TPTE2: variants seen among roughly 807,000 people sequenced by gnomAD.
The protein encoded by TPTE2 is transmembrane phosphoinositide 3-phosphatase and tensin homolog 2.
TPTE2 carries 53 observed loss-of-function variants against 78.6 expected under a neutral mutation model. The ratio of observed to expected loss-of-function variants is 0.67; its 90% CI spans 0.54 to 0.85. TPTE2 has a LOEUF of 0.85. Ranked by LOEUF, TPTE2 falls within the 40% of genes least tolerant of loss-of-function variation. The pLI is 0.00. For missense variants in TPTE2, 461 were observed against 623.0 expected (o/e 0.74, Z 2.77); for synonymous variants, 175 against 206.2 (o/e 0.85, Z 1.30).
intron 4 of TPTE2, among the ~76,000 whole-genome samples, chr13:19,477,480 C>T (rs1057016557): frequency 2.6e-5 from 4 of 152,174 alleles, no homozygotes; most frequent in African/African-American, 4.8e-5. Flanking sequence ...CCACCACCTC[C>T]GCCCAGGCTT....
At chr13:19,471,998 C>G (rs1879645166) in intron 6 of TPTE2, among the ~76,000 whole-genome samples, 2 of 152,176 alleles carry the variant, frequency 1.3e-5, no homozygotes, top group African/African-American at 4.8e-5. Flanking sequence ...ATGCCACTCT[C>G]TCCTGGCCTG....
chr13:19,468,188 C>A (rs1424572034), intron 6 of TPTE2, among the ~76,000 whole-genome samples: 1 of 151,112 alleles, frequency 6.6e-6, no homozygotes, highest in Non-Finnish European at 1.5e-5. Flanking sequence ...TTACAGGCGA[C>A]CGACACCACA....
intron 4 of TPTE2, among the ~76,000 whole-genome samples, chr13:19,479,674 G>A (rs1224848659): frequency 1.3e-5 from 2 of 152,152 alleles, no homozygotes; most frequent in East Asian, 3.9e-4. Context: ...CAAAAATAAA[G>A]AGATAGAGGC....
intron 10 of TPTE2, among the ~76,000 whole-genome samples, chr13:19,455,920 TATAGCAAACATC>T (rs1251116801): frequency 1.3e-5 from 2 of 152,180 alleles, no homozygotes; most frequent in Non-Finnish European, 2.9e-5. Context: ...TACAAAAGCC[TATAGCAAACATC>T]ATTTCAAATA....
At chr13:19,469,111 G>C (rs2137576671) in intron 6 of TPTE2, among the ~76,000 whole-genome samples, 1 of 152,252 alleles carries the variant, frequency 6.6e-6, no homozygotes, top group Admixed American at 6.5e-5. Context: ...CAATGTCCTG[G>C]AGATTCTTCC....
At chr13:19,451,530 T>C (rs1040331824) in intron 10 of TPTE2, among the ~76,000 whole-genome samples, 4 of 152,216 alleles carry the variant, frequency 2.6e-5, no homozygotes, top group African/African-American at 9.6e-5. Context: ...AAATCATTAA[T>C]TCACAGTTAA....
In TPTE2 at chr13:19,498,452, G is replaced by A. The variant is rs564021088; in HGVS notation, c.11+4772C>T. Among the ~76,000 whole-genome samples, 1,311 of 152,152 alleles carry A rather than the reference G, an allele frequency of 8.6e-3. 13 individuals carry two copies. Among genetic ancestry groups the A allele is most frequent in the African/African-American group, 0.03 (1,251 of 41,484 alleles). On this transcript the variant is annotated intron_variant, in intron 1 of 19. Transcript: ENST00000400230. ...CCATCAGACTAACAGCAGATCTCTC[G>A]GCAGAAACCCTACAAGCCAGAAGAG...
chr13:19,507,214 T>C (rs530425126), upstream of TPTE2, among the ~76,000 whole-genome samples: 2 of 151,312 alleles, frequency 1.3e-5, no homozygotes, highest in South Asian at 4.2e-4. Flanking sequence ...TTAAACTAAA[T>C]TGTACATAAT....
intron 1 of TPTE2, among the ~76,000 whole-genome samples, chr13:19,530,446 A>AT (rs1347712650): frequency 2.0e-5 from 3 of 152,166 alleles, no homozygotes; most frequent in Non-Finnish European, 4.4e-5. Flanking sequence ...CTAACTGTGC[A>AT]TTTTTTGGGG....
the TPTE2 span, among the ~76,000 whole-genome samples, chr13:19,556,940 T>G: frequency 6.6e-6 from 1 of 152,352 alleles, no homozygotes; most frequent in South Asian, 2.1e-4. Context: ...AGGACACTCT[T>G]ATTTCTGTTT....
intron 1 of TPTE2, among the ~76,000 whole-genome samples, chr13:19,502,458 C>G (rs1343995381): frequency 1.3e-5 from 2 of 151,014 alleles, no homozygotes; most frequent in Admixed American, 6.6e-5. Flanking sequence ...CCATGGAATA[C>G]TATGCAGCCA....
intron 1 of TPTE2, among the ~76,000 whole-genome samples, chr13:19,527,041 C>T (rs929151283): frequency 2.6e-5 from 4 of 152,134 alleles, no homozygotes; most frequent in Admixed American, 2.6e-4. Flanking sequence ...CGTGGTGGCT[C>T]ATGCCTGTAA....
intron 13 of TPTE2, among the ~76,000 whole-genome samples, chr13:19,444,669 T>C (rs1877716245): frequency 1.3e-5 from 2 of 152,176 alleles, no homozygotes; most frequent in Non-Finnish European, 2.9e-5. Flanking sequence ...CAAATTTCTA[T>C]CCAGTGTGTG....
intron 1 of TPTE2, among the ~76,000 whole-genome samples, chr13:19,533,185 A>G (rs1417673828): frequency 2.6e-5 from 4 of 152,230 alleles, no homozygotes; most frequent in Non-Finnish European, 5.9e-5. Context: ...TATAGCATAC[A>G]ACAGAGAAAA....
chr13:19,428,933 A>G (rs1480718635), intron 17 of TPTE2, among the ~76,000 whole-genome samples: 1 of 152,234 alleles, frequency 6.6e-6, no homozygotes, highest in Non-Finnish European at 1.5e-5. Flanking sequence ...AAGTTGTTGA[A>G]AAATATGGTG....
intron 1 of TPTE2, among the ~76,000 whole-genome samples, chr13:19,498,014 A>G (rs1353269019): frequency 1.3e-5 from 2 of 151,534 alleles, no homozygotes; most frequent in Non-Finnish European, 3.0e-5. Context: ...CAGAAGCCTC[A>G]GGAGCCGATG....
chr13:19,452,507 A>G (rs1697956350), intron 10 of TPTE2, among the ~76,000 whole-genome samples: 2 of 152,178 alleles, frequency 1.3e-5, no homozygotes, highest in Admixed American at 1.3e-4. Context: ...CACCTTATAG[A>G]TAAATGGGCT....
chr13:19,490,803 CT>C (rs1328015952), intron 3 of TPTE2, among the ~76,000 whole-genome samples: 1 of 152,226 alleles, frequency 6.6e-6, no homozygotes, highest in Non-Finnish European at 1.5e-5. Flanking sequence ...TTGCTCTTTT[CT>C]GTTGAGAGCT....
intron 11 of TPTE2, among the ~76,000 whole-genome samples, chr13:19,450,874 A>G (rs1441713726): frequency 5.3e-5 from 8 of 152,192 alleles, no homozygotes; most frequent in Admixed American, 2.0e-4. Context: ...CAGGAAAAAC[A>G]GAAAGATTTT....
Sources: allele counts gnomAD v4.1 joint callset (sites outside exome capture counted in the v4.1 genomes callset), GRCh38; gene constraint gnomAD v4.1.1; transcripts MANE v1.5; gene names NCBI Gene and HGNC (gene_info 2026-07-23, HGNC 2026-07-21).